HADHB: variants seen among roughly 807,000 people sequenced by gnomAD.
HADHB encodes hydroxyacyl-CoA dehydrogenase trifunctional multienzyme complex subunit beta, also known as trifunctional enzyme subunit beta, mitochondrial.
HADHB carries 50 observed loss-of-function variants against 61.9 expected under a neutral mutation model. The observed-to-expected ratio is 0.81, with a 90% CI of 0.64 to 1.02. The LOEUF is 1.02. Among genes scored for constraint, HADHB ranks in the 50% least tolerant of loss-of-function variants. The pLI is 0.00. For missense variants in HADHB, 504 were observed against 586.5 expected (o/e 0.86, Z 1.45); for synonymous variants, 191 against 201.6 (o/e 0.95, Z 0.45).
chr2:26,276,144 C>T (rs1033655017), intron 6 of HADHB, among the ~76,000 whole-genome samples: 1 of 152,100 alleles, frequency 6.6e-6, no homozygotes, highest in Non-Finnish European at 1.5e-5. Context: ...TGGTTTTTGA[C>T]AGCATAATTT....
In HADHB at chr2:26,270,028, A is replaced by G. The variant is rs756198651; in HGVS notation, c.254+31A>G. The G allele has an allele frequency of 6.1e-6, 9 of 1,468,144 alleles. No homozygotes were observed. In the East Asian group the frequency reaches 2.0e-4, roughly 33 times the overall value. 90.9% of individuals were successfully genotyped at this position (1,468,144 alleles called of 1,614,324 possible). On this transcript the variant is annotated intron_variant, in intron 5 of 15. Transcript: ENST00000317799. ...TAAATGCAGTTTCATTTCCGTTCTT[A>G]TTTCATTAAAGGCACTTTCTCCAGT...
At chr2:26,247,877 A>G (rs892363898) in intron 1 of HADHB, among the ~76,000 whole-genome samples, 2 of 152,198 alleles carry the variant, frequency 1.3e-5, no homozygotes, top group Non-Finnish European at 2.9e-5. Context: ...GGGTTCTGGA[A>G]CCAATCCCCC....
chr2:26,266,132 GGTGC>G (rs1672067208), intron 4 of HADHB, among the ~76,000 whole-genome samples: 1 of 151,982 alleles, frequency 6.6e-6, no homozygotes. Flanking sequence ...CAGGCATGGT[GGTGC>G]ATGCCCCTAG....
At chr2:26,289,654 T>G (rs537602439) in intron 15 of HADHB, among the ~76,000 whole-genome samples, 5 of 152,314 alleles carry the variant, frequency 3.3e-5, no homozygotes, top group Admixed American at 6.5e-5. Context: ...TATATGTGTG[T>G]GTATATATAT....
rs1457455158 is a variant in HADHB at position 26,282,716 on chromosome 2, G to A, written c.934-129G>A. On this transcript the variant is annotated intron_variant, in intron 10 of 15. Transcript: ENST00000317799. Reference sequence around the variant, plus strand: ...TTTAATGATGGATACAGTGAAGTAAGTGTTGTTATATAGAATCACTGTATA... The same window carrying A: ...TTTAATGATGGATACAGTGAAGTAAATGTTGTTATATAGAATCACTGTATA... 4.2e-6 allele frequency: 3 copies of A among 716,858 alleles called. No homozygotes were observed. The Admixed American group carries it at 6.0e-5, about 14-fold the overall frequency. 44.4% of individuals were successfully genotyped at this position (716,858 alleles called of 1,614,324 possible).
At chr2:26,264,067 C>CT (rs1470673117) in intron 4 of HADHB, among the ~76,000 whole-genome samples, 1 of 152,054 alleles carries the variant, frequency 6.6e-6, no homozygotes, top group Non-Finnish European at 1.5e-5. Context: ...TGATAATGGA[C>CT]TTTGATAACA....
intron 5 of HADHB, among the ~76,000 whole-genome samples, chr2:26,272,617 A>G (rs1351728418): frequency 2.0e-5 from 3 of 151,276 alleles, no homozygotes; most frequent in Non-Finnish European, 4.4e-5. Flanking sequence ...CCAAAGTGCT[A>G]GGATTACAGG....
At chr2:26,284,082 A>T (rs1254924745) in intron 12 of HADHB, 35 bp from the exon 13 acceptor site, 3 of 1,173,158 alleles carry the variant, frequency 2.6e-6, no homozygotes, top group Non-Finnish European at 3.8e-6. Flanking sequence ...TTTAAAAATT[A>T]AAGTTTTAAG....
In HADHB at chr2:26,290,139, C is replaced by T; in HGVS notation, c.*186C>T. 1 of 631,308 alleles carries T rather than the reference C, an allele frequency of 1.6e-6. No homozygotes were observed. Among genetic ancestry groups the T allele is most frequent in the Non-Finnish European group, 2.9e-6 (1 of 349,870 alleles). 39.1% of individuals were successfully genotyped at this position (631,308 alleles called of 1,614,324 possible). A position where few individuals can be genotyped will look rare whatever the true frequency, so the allele number is the denominator to read the frequency against. ...TCTGAGCTTTTCAATAATCAGTTTA[C>T]TGCTCTTTCAGGGATTTCTAAGCCA... On this transcript the variant is annotated 3_prime_UTR_variant, in exon 16 of 16. Coordinates refer to ENST00000317799, the MANE Select transcript of HADHB (RefSeq NM_000183.3).
At chr2:26,261,334 G>T in intron 3 of HADHB, 1 of 344,428 alleles carries the variant, frequency 2.9e-6, no homozygotes, top group South Asian at 6.9e-5. Flanking sequence ...ATACATCTCT[G>T]CTTTCCTTCT....
At chr2:26,261,029 G>A (rs138809384) in intron 3 of HADHB, 1 of 1,522,112 alleles carries the variant, frequency 6.6e-7, no homozygotes, top group Non-Finnish European at 8.8e-7. Flanking sequence ...AGATGACACT[G>A]GTTTCTGGTT....
At chr2:26,285,187 G>C (rs1408095903) in intron 14 of HADHB, among the ~76,000 whole-genome samples, 2 of 152,188 alleles carry the variant, frequency 1.3e-5, no homozygotes, top group Non-Finnish European at 2.9e-5. Flanking sequence ...ATAAAATTCT[G>C]TGTTTTTTGT....
chr2:26,277,171 A>G lies in HADHB; in HGVS notation c.442+11A>G. On this transcript the variant is annotated intron_variant, in intron 7 of 15. Coordinates refer to ENST00000317799, the MANE Select transcript of HADHB (RefSeq NM_000183.3). ...AAGCCATGACCACAGGTATGTTTAA[A>G]TGGAAACAGACAGTACATGTTAATT... The G allele has an allele frequency of 3.2e-6, 4 of 1,262,514 alleles. No homozygotes were observed. Among genetic ancestry groups the G allele is most frequent in the Non-Finnish European group, 4.7e-6 (4 of 858,770 alleles). 78.2% of individuals were successfully genotyped at this position (1,262,514 alleles called of 1,614,324 possible). A position where few individuals can be genotyped will look rare whatever the true frequency, so the allele number is the denominator to read the frequency against.
chr2:26,263,614 A>G (rs1480035227), intron 4 of HADHB, 135 bp downstream of exon 4: 2 of 715,976 alleles, frequency 2.8e-6, no homozygotes, highest in Non-Finnish European at 5.1e-6. Context: ...TGAAATTAAT[A>G]TAGAATAAGT....
chr2:26,273,023 C>T (rs1672408028), intron 5 of HADHB, among the ~76,000 whole-genome samples: 1 of 151,370 alleles, frequency 6.6e-6, no homozygotes, highest in Admixed American at 6.6e-5. Context: ...GTGGAGGTTG[C>T]AGTGAGCCGA....
intron 6 of HADHB, among the ~76,000 whole-genome samples, chr2:26,275,497 C>G (rs945135265): frequency 6.6e-6 from 1 of 152,198 alleles, no homozygotes; most frequent in Non-Finnish European, 1.5e-5. Context: ...AAGCTCCTTC[C>G]GTCCTGAGAG....
At position 26,282,849 on chromosome 2, in the gene HADHB, A is replaced by G; in HGVS notation, c.938A>G (p.Asp313Gly). 3 of 1,609,962 alleles carry G rather than the reference A, an allele frequency of 1.9e-6. No homozygotes were observed. The highest frequency in any genetic ancestry group is 2.5e-6 in the Non-Finnish European group (3 of 1,176,830). The change falls in exon 11 of 16, where the codon GAT (aspartate) becomes GGT (glycine). Residue 313 changes from aspartate to glycine, a missense_variant. Physicochemically the swap from Asp to Gly is moderately conservative, Grantham distance 94. Transcript: ENST00000317799. The stretch of plus-strand genomic sequence containing the variant: ...TTGTGCTGGTTAACATTTCAGACTG[A>G]TGGTGCATCTGCAATGTTAATCATG... ...VTAANSSFLTDGASAMLIMAE... is the reference protein window; with the variant it reads ...VTAANSSFLTGGASAMLIMAE...
intron 1 of HADHB, 115 bp downstream of exon 1, chr2:26,245,105 G>C (rs923452572): frequency 3.3e-5 from 7 of 212,470 alleles, no homozygotes; most frequent in Non-Finnish European, 6.9e-5. Context: ...GGGAAAGTGG[G>C]AGTTGAGGGA....
intron 9 of HADHB, among the ~76,000 whole-genome samples, 178 bp downstream of exon 9, chr2:26,279,493 T>C (rs955513819): frequency 2.6e-5 from 4 of 152,190 alleles, no homozygotes; most frequent in African/African-American, 7.2e-5. Context: ...TAACATTTTT[T>C]AATGTTTCTA....
Sources: gnomAD v4.1 joint callset for allele counts (sites outside exome capture counted in the v4.1 genomes callset) on GRCh38, gnomAD v4.1.1 for gene constraint, MANE v1.5 for transcripts, NCBI Gene and HGNC (gene_info 2026-07-23, HGNC 2026-07-21) for gene names.